TRPM7: variants seen among roughly 807,000 people sequenced by gnomAD.
TRPM7 encodes the protein transient receptor potential cation channel subfamily M member 7.
A neutral mutation model predicts 229.7 loss-of-function variants in TRPM7; 134 were observed. The observed-to-expected ratio is 0.58, with a 90% CI of 0.51 to 0.67. The LOEUF (loss-of-function observed/expected upper bound fraction) is 0.67, where lower values mean the gene tolerates loss of function less well. TRPM7 is among the 30% of genes least tolerant of loss of function. The pLI, the probability that TRPM7 is intolerant of heterozygous loss-of-function variation, is 0.00. For synonymous variants in TRPM7, 699 were observed against 715.2 expected (o/e 0.98, Z 0.36); for missense variants, 1,901 against 2,210.0 (o/e 0.86, Z 2.80).
At chr15:50,628,086 G>A (rs1162906766) in intron 11 of TRPM7, 63 bp downstream of exon 11, 11 of 1,203,292 alleles carry the variant, frequency 9.1e-6, no homozygotes, top group Admixed American at 4.0e-5. Context: ...CACAGTTCCC[G>A]CAAATACTTT....
intron 9 of TRPM7, among the ~76,000 whole-genome samples, chr15:50,632,158 C>A (rs2060756986): frequency 6.6e-6 from 1 of 151,952 alleles, no homozygotes; most frequent in African/African-American, 2.4e-5. Context: ...CAAAAATTAG[C>A]CAGGCATGGT....
Position 50,592,500 on chromosome 15 carries a change from T to C in TRPM7, c.3735A>G (p.Thr1245=), listed in dbSNP as rs528127426. The change falls in exon 26 of 39, where the codon ACA becomes ACG. Residue 1245 remains threonine, a synonymous_variant. Transcript: ENST00000646667. ...CTTTCTGGGCAGTGAGTGTTTTTAA[T>C]GTATCTACCGTCAGGGCTGAAAGAT... is the stretch of plus-strand genomic sequence containing the variant. ...LQDLSALTVD[T]LKTLTAQKAS... The C allele has an allele frequency of 7.2e-5, 116 of 1,614,142 alleles. No individual in the cohort carries two copies. Among genetic ancestry groups the C allele is most frequent in the Non-Finnish European group, 9.4e-5 (111 of 1,180,030 alleles).
In TRPM7 at chr15:50,633,011, T is replaced by A. The variant is rs1464140341; in HGVS notation, c.1008-19A>T. ...AAGATTCCTGGAATAAAAGGAAACA[T>A]AATTCACTGATTTCATCTTCCATTA... On this transcript the variant is annotated intron_variant, in intron 8 of 38. Coordinates refer to ENST00000646667, the MANE Select transcript of TRPM7 (RefSeq NM_017672.6). The A allele has an allele frequency of 6.4e-7, 1 of 1,573,976 alleles. No homozygotes were observed. Among genetic ancestry groups the A allele is most frequent in the Non-Finnish European group, 8.6e-7 (1 of 1,167,326 alleles).
At chr15:50,647,350 C>T (rs1365343321) in intron 4 of TRPM7, among the ~76,000 whole-genome samples, 1 of 151,972 alleles carries the variant, frequency 6.6e-6, no homozygotes, top group African/African-American at 2.4e-5. Context: ...AGGCTGATCT[C>T]AAACTCCTGA....
At chr15:50,629,465 G>A (rs1200459452) in intron 10 of TRPM7, among the ~76,000 whole-genome samples, 1 of 149,430 alleles carries the variant, frequency 6.7e-6, no homozygotes, top group Admixed American at 6.7e-5. Flanking sequence ...TAGAGATAGG[G>A]TTTTGCCAAA....
Position 50,596,381 on chromosome 15 carries a change from A to T in TRPM7, c.3164T>A (p.Val1055Glu). ...AGGGATAACAGAATCATTTGCACAC[A>T]CTTTAGAGAGAAAAAAAGAAAAAAA... ...FGEVYAYEID[V>E]CANDSVIPQI... is the part of the protein sequence containing the mutation. The change falls in exon 23 of 39, where the codon GTG (valine) becomes GAG (glutamate). Residue 1055 changes from valine (V) to glutamate (E), a missense_variant and splice_region_variant. Val to Glu is a moderately radical substitution (Grantham distance 121). This residue lies in a region of TRPM7 where 89 missense variants were observed against 178.2 expected (regional missense o/e 0.50). Coordinates refer to ENST00000646667, the MANE Select transcript of TRPM7 (RefSeq NM_017672.6). 1 of 1,570,274 alleles carries T rather than the reference A, an allele frequency of 6.4e-7. No homozygotes were observed.
chr15:50,623,494 C>CT (rs773367948), intron 12 of TRPM7, among the ~76,000 whole-genome samples: 43 of 62,438 alleles, frequency 6.9e-4, no homozygotes, highest in Non-Finnish European at 1.5e-3. Context: ...CCCGCCCCCT[C>CT]CCCGCCCCGC....
At chr15:50,569,690 T>C (rs1368298322) in intron 38 of TRPM7, among the ~76,000 whole-genome samples, 197 bp downstream of exon 38, 1 of 152,190 alleles carries the variant, frequency 6.6e-6, no homozygotes, top group Non-Finnish European at 1.5e-5. Flanking sequence ...ATATATTAAA[T>C]TAATGAACTT....
intron 7 of TRPM7, among the ~76,000 whole-genome samples, chr15:50,636,509 A>G (rs1297375939): frequency 6.6e-6 from 1 of 152,118 alleles, no homozygotes; most frequent in Non-Finnish European, 1.5e-5. Flanking sequence ...ACTTTTAGCA[A>G]AAGTTCTGAC....
intron 11 of TRPM7, 58 bp from the exon 12 acceptor site, chr15:50,624,358 T>C (rs2060500208): frequency 7.1e-7 from 1 of 1,415,390 alleles, no homozygotes; most frequent in Middle Eastern, 2.2e-4. Flanking sequence ...TACAAACACT[T>C]TTAAATGTTA....
rs1235692907 is a variant in TRPM7, at chr15:50,561,581, C to G, written c.*97G>C. On this transcript the variant is annotated 3_prime_UTR_variant, in exon 39 of 39. Coordinates refer to ENST00000646667, the MANE Select transcript of TRPM7 (RefSeq NM_017672.6). Reference sequence around the variant, plus strand: ...GTCAGCAAATTCAACTTGCATACACCTTTCTATATTACCAAACAATTTCCT... The same window carrying G: ...GTCAGCAAATTCAACTTGCATACACGTTTCTATATTACCAAACAATTTCCT... 4 of 1,462,000 alleles carry G rather than the reference C, an allele frequency of 2.7e-6. No individual in the cohort carries two copies. The highest frequency in any genetic ancestry group is 3.7e-6 in the Non-Finnish European group (4 of 1,067,414). 90.6% of individuals were successfully genotyped at this position (1,462,000 alleles called of 1,614,324 possible). A position where few individuals can be genotyped will look rare whatever the true frequency, so the allele number is the denominator to read the frequency against.
intron 3 of TRPM7, among the ~76,000 whole-genome samples, chr15:50,652,328 C>CAAAAAAAAAA (rs34122648): frequency 2.3e-4 from 8 of 34,230 alleles, no homozygotes; most frequent in African/African-American, 2.9e-4. Context: ...GACTCCATCT[C>CAAAAAAAAAA]AAAAAAAAAA....
At chr15:50,607,687 A>G (rs892106790) in intron 19 of TRPM7, among the ~76,000 whole-genome samples, 1 of 151,670 alleles carries the variant, frequency 6.6e-6, no homozygotes, top group Non-Finnish European at 1.5e-5. Context: ...GAATTTCACC[A>G]CCATAATCAT....
At chr15:50,635,902 C>T (rs2060888147) in intron 7 of TRPM7, among the ~76,000 whole-genome samples, 1 of 151,582 alleles carries the variant, frequency 6.6e-6, no homozygotes, top group Non-Finnish European at 1.5e-5. Flanking sequence ...TCGCTTGAAC[C>T]CAGGAGGCAG....
At chr15:50,638,358 CAAAAAAAAAAAAAAAAAAAAAAAAAAAA>C in intron 6 of TRPM7, among the ~76,000 whole-genome samples, 1 of 42,284 alleles carries the variant, frequency 2.4e-5, no homozygotes, top group Non-Finnish European at 3.8e-5. Flanking sequence ...GACTCCGTCT[CAAAAAAAAAAAAAAAAAAAAAAAAAAAA>C]AAAAAAAAAA....
intron 9 of TRPM7, among the ~76,000 whole-genome samples, chr15:50,632,201 G>C (rs926384092): frequency 8.6e-5 from 13 of 152,000 alleles, no homozygotes; most frequent in African/African-American, 3.1e-4. Context: ...GCTGAGGTGG[G>C]AGAATCGCTT....
At chr15:50,607,766 G>A (rs1410119819) in intron 19 of TRPM7, among the ~76,000 whole-genome samples, 1 of 151,806 alleles carries the variant, frequency 6.6e-6, no homozygotes, top group African/African-American at 2.4e-5. Flanking sequence ...GACAACTGGG[G>A]CACGCCGCGG....
At chr15:50,565,840 T>C (rs75785442) in intron 38 of TRPM7, among the ~76,000 whole-genome samples, 1 of 151,974 alleles carries the variant, frequency 6.6e-6, no homozygotes, top group Non-Finnish European at 1.5e-5. Flanking sequence ...TTTTTTTTTT[T>C]TGAGACGGAG....
intron 4 of TRPM7, among the ~76,000 whole-genome samples, chr15:50,645,556 T>C (rs879668309): frequency 1.2e-4 from 18 of 152,252 alleles, no homozygotes; most frequent in Admixed American, 6.5e-4. Flanking sequence ...GGTCTTGAAC[T>C]CCTGACCTCA....
Sources: allele counts gnomAD v4.1 joint callset (sites outside exome capture counted in the v4.1 genomes callset), GRCh38; gene constraint gnomAD v4.1.1; regional missense constraint gnomAD v4.1.1; transcripts MANE v1.5; gene names NCBI Gene and HGNC (gene_info 2026-07-23, HGNC 2026-07-21).